TBCE: variants seen among roughly 807,000 people sequenced by gnomAD.
TBCE encodes the protein tubulin folding cofactor E, also known as tubulin-specific chaperone E.
In TBCE, 53 loss-of-function variants were observed where a neutral mutation model predicts 77.0. The observed-to-expected ratio is 0.69, with a 90% CI of 0.55 to 0.87. TBCE has a LOEUF of 0.87. TBCE is among the 40% of genes least tolerant of loss of function. The pLI is 0.00. For missense variants in TBCE, 624 were observed against 622.4 expected, an observed-to-expected ratio of 1.00 and a Z score of -0.03; for synonymous variants, 235 against 241.3, an observed-to-expected ratio of 0.97 and a Z score of 0.24.
At chr1:235,424,341 T>C (rs1372721809) in intron 5 of TBCE, among the ~76,000 whole-genome samples, 14 of 149,954 alleles carry the variant, frequency 9.3e-5, no homozygotes, top group Non-Finnish European at 1.9e-4. Context: ...TTTTTTTTTT[T>C]TGGAGATGGA....
intron 4 of TBCE, 25 bp from the exon 5 acceptor site, chr1:235,419,448 C>T: frequency 6.2e-7 from 1 of 1,613,868 alleles, no homozygotes; most frequent in Admixed American, 1.7e-5. Flanking sequence ...CTTATGTATC[C>T]ATGTGAACTC....
At chr1:235,444,214 C>T (rs1316230474) in intron 15 of TBCE, among the ~76,000 whole-genome samples, 3 of 152,168 alleles carry the variant, frequency 2.0e-5, no homozygotes, top group African/African-American at 7.2e-5. Context: ...ATTTAATTTA[C>T]CACAACGTCT....
rs1682678891 is a variant in TBCE, at chr1:235,448,793, T to G, written c.*31T>G. 2 of 1,436,890 alleles carry G rather than the reference T, an allele frequency of 1.4e-6. No individual in the cohort carries two copies. Among genetic ancestry groups the G allele is most frequent in the Middle Eastern group, 1.7e-4 (1 of 5,790 alleles). 89.0% of individuals were successfully genotyped at this position (1,436,890 alleles called of 1,614,324 possible). ...AACTAATAAAATTTAAAGACCACAC[T>G]GCTTATCGTGTCTGGGGTTCACCGG... On this transcript the variant is annotated 3_prime_UTR_variant, in exon 17 of 17. Transcript: ENST00000642610.
At chr1:235,430,183 T>A (rs1681006057) in intron 6 of TBCE, 1 of 155,882 alleles carries the variant, frequency 6.4e-6, no homozygotes. Flanking sequence ...TTTTTAATAG[T>A]ATCGTCTTTC....
rs1353120832 is a variant in TBCE at position 235,449,155 on chromosome 1, G to C, written c.*393G>C. On this transcript the variant is annotated 3_prime_UTR_variant, in exon 17 of 17. Transcript: ENST00000642610. ...ACTATTTTAAAGGGTTACTAGAAAT[G>C]ATTTGGTTGGTCATTTTGGGAAATG... 4.1e-6 allele frequency: 1 copy of C among 245,694 alleles called. No individual in the cohort carries two copies. The highest frequency in any genetic ancestry group is 8.0e-6 in the Non-Finnish European group (1 of 124,680). The allele number at this position is 245,694 out of a possible 1,614,324, so 15.2% of individuals were successfully genotyped here.
intron 5 of TBCE, among the ~76,000 whole-genome samples, chr1:235,420,109 T>G (rs7355108): frequency 0.067 from 10,188 of 152,160 alleles, 641 homozygotes; most frequent in African/African-American, 0.17. Flanking sequence ...GGCACACTTG[T>G]TTGGCCTCTG....
At chr1:235,405,893 C>T (rs1679396299) in intron 3 of TBCE, among the ~76,000 whole-genome samples, 1 of 152,092 alleles carries the variant, frequency 6.6e-6, no homozygotes, top group Non-Finnish European at 1.5e-5. Flanking sequence ...AGGATTTTTT[C>T]AGCTCCAGTG....
chr1:235,415,680 A>G (rs1680068799), intron 4 of TBCE: 1 of 152,190 alleles, frequency 6.6e-6, no homozygotes, highest in African/African-American at 2.4e-5. Flanking sequence ...TGTGGAAAAT[A>G]AATACATTTC....
At chr1:235,435,107 G>GTTT (rs11421145) in intron 8 of TBCE, among the ~76,000 whole-genome samples, 22 of 142,592 alleles carry the variant, frequency 1.5e-4, no homozygotes, top group African/African-American at 5.8e-4. Context: ...TTTTTGTTTT[G>GTTT]TTTTTTTTTT....
intron 1 of TBCE, among the ~76,000 whole-genome samples, chr1:235,373,886 T>A (rs1242840267): frequency 6.9e-6 from 1 of 145,880 alleles, no homozygotes; most frequent in Non-Finnish European, 1.5e-5. Flanking sequence ...CCTGACCTCG[T>A]GATCCTCCCG....
At chr1:235,379,961 A>AT (rs1210621282) in intron 1 of TBCE, 58 bp from the exon 2 acceptor site, 1 of 1,247,176 alleles carries the variant, frequency 8.0e-7, no homozygotes, top group African/African-American at 1.5e-5. Context: ...AAAAAAAAAA[A>AT]AAATTCCTTT....
intron 3 of TBCE, among the ~76,000 whole-genome samples, chr1:235,413,672 A>G (rs1679941190): frequency 6.6e-6 from 1 of 151,782 alleles, no homozygotes; most frequent in African/African-American, 2.4e-5. Flanking sequence ...CAAAAAAAAA[A>G]AAGAAAAAAA....
intron 15 of TBCE, 83 bp from the exon 16 acceptor site, chr1:235,448,266 A>T: frequency 2.1e-6 from 2 of 958,492 alleles, no homozygotes; most frequent in African/African-American, 3.2e-5. Context: ...CATTGCAATG[A>T]TACTGTGGTC....
chr1:235,368,377 G>A (rs1366445957), intron 1 of TBCE, among the ~76,000 whole-genome samples: 1 of 152,080 alleles, frequency 6.6e-6, no homozygotes, highest in Non-Finnish European at 1.5e-5. Context: ...TAGAGATGAA[G>A]AGAGAAGACT....
intron 1 of TBCE, among the ~76,000 whole-genome samples, chr1:235,369,743 C>T (rs181200879): frequency 4.0e-5 from 6 of 150,312 alleles, no homozygotes; most frequent in Admixed American, 1.3e-4. Flanking sequence ...AGGAGAATTG[C>T]TTGAACCTGG....
chr1:235,403,797 CATT>C (rs1337519946), intron 3 of TBCE, among the ~76,000 whole-genome samples: 1 of 152,146 alleles, frequency 6.6e-6, no homozygotes, highest in Non-Finnish European at 1.5e-5. Flanking sequence ...GTGGTTTCAT[CATT>C]GTGTGAACAT....
chr1:235,447,988 A>G (rs1446486373), intron 15 of TBCE, among the ~76,000 whole-genome samples: 1 of 152,058 alleles, frequency 6.6e-6, no homozygotes, highest in African/African-American at 2.4e-5. Context: ...GGGCGGGCGG[A>G]TCACGAGGTC....
chr1:235,447,917 A>AAAT (rs1682514532), intron 15 of TBCE, among the ~76,000 whole-genome samples: 1 of 152,182 alleles, frequency 6.6e-6, no homozygotes, highest in African/African-American at 2.4e-5. Flanking sequence ...GACTTGGGTA[A>AAAT]AATGAAAGAT....
rs796709432 is a variant in TBCE, at chr1:235,420,318, C to CTT, written c.460+770_460+771dup. ...CCCTGGTCTGTTTTCTCATGCAGTTCTTTTTTTTTTTTTTGAGATGGAGTC... is the reference window on the plus strand; with the variant it reads ...CCCTGGTCTGTTTTCTCATGCAGTTCTTTTTTTTTTTTTTTTGAGATGGAGTC... On this transcript the variant is annotated intron_variant, in intron 5 of 16. Coordinates refer to ENST00000642610, the MANE Select transcript of TBCE (RefSeq NM_003193.5). 1.3e-3 allele frequency among the ~76,000 whole-genome samples: 187 copies of CTT among 141,322 alleles called. 3 individuals carry two copies. Among genetic ancestry groups the CTT allele is most frequent in the Non-Finnish European group, 3.3e-4 (21 of 64,606 alleles). 92.7% of individuals were successfully genotyped at this position (141,322 alleles called of 152,430 possible).
Sources: gnomAD v4.1 joint callset for allele counts (sites outside exome capture counted in the v4.1 genomes callset) on GRCh38, gnomAD v4.1.1 for gene constraint, MANE v1.5 for transcripts, NCBI Gene and HGNC (gene_info 2026-07-23, HGNC 2026-07-21) for gene names.